The following RNF217 variants were observed in gnomAD, a reference collection of about 807,000 sequenced individuals.
RNF217 encodes the protein E3 ubiquitin-protein ligase RNF217.
A neutral mutation model predicts 57.8 loss-of-function variants in RNF217; 31 were observed. The ratio of observed to expected loss-of-function variants is 0.54; its 90% CI spans 0.40 to 0.72. The LOEUF (loss-of-function observed/expected upper bound fraction) is 0.72, where lower values mean the gene tolerates loss of function less well. Ranked by LOEUF, RNF217 falls within the 30% of genes least tolerant of loss-of-function variation. The pLI is 0.00. For synonymous variants in RNF217, 313 were observed against 294.0 expected (o/e 1.06, Z -0.66); for missense variants, 696 against 708.3 (o/e 0.98, Z 0.20).
At chr6:125,082,658 C>A (rs1312181023) in intron 5 of RNF217, 1 of 1,524,574 alleles carries the variant, frequency 6.6e-7, no homozygotes, top group Non-Finnish European at 8.8e-7. Flanking sequence ...TATTATTAAA[C>A]TGGTATCACT....
At chr6:125,077,073 C>T (rs1788405829) in intron 4 of RNF217, among the ~76,000 whole-genome samples, 1 of 152,138 alleles carries the variant, frequency 6.6e-6, no homozygotes, top group Non-Finnish European at 1.5e-5. Context: ...TTTGAAAAAG[C>T]AGCTTATTAA....
chr6:125,059,351 A>G (rs1418951890), intron 3 of RNF217, among the ~76,000 whole-genome samples: 1 of 152,172 alleles, frequency 6.6e-6, no homozygotes, highest in Admixed American at 6.5e-5. Context: ...GTTGCTCAGT[A>G]TACTTATTTT....
In RNF217 at chr6:125,045,194, G is replaced by C. The variant is rs1277849104; in HGVS notation, c.883-17G>C. 6.5e-7 allele frequency: 1 copy of C among 1,548,788 alleles called. No homozygotes were observed. Among genetic ancestry groups the C allele is most frequent in the African/African-American group, 1.4e-5 (1 of 72,404 alleles). The stretch of plus-strand genomic sequence containing the variant: ...CAGTGACGTTTTTTTCCTTCCATCT[G>C]CTCTTCCATCATGCAGGTACAACTT... On this transcript the variant is annotated splice_polypyrimidine_tract_variant and intron_variant, in intron 1 of 5. Coordinates refer to ENST00000521654, the MANE Select transcript of RNF217 (RefSeq NM_001286398.3).
chr6:124,981,888 C>T (rs560141967), intron 1 of RNF217, among the ~76,000 whole-genome samples: 40 of 151,184 alleles, frequency 2.6e-4, no homozygotes, highest in South Asian at 6.3e-4. Context: ...TTTGGCCGGG[C>T]GTGGTTATGG....
intron 3 of RNF217, among the ~76,000 whole-genome samples, chr6:125,071,990 T>C (rs1223277335): frequency 1.3e-5 from 2 of 152,200 alleles, no homozygotes; most frequent in Non-Finnish European, 2.9e-5. Context: ...AACAGCTTCA[T>C]TGAGAACAAA....
Position 124,970,830 on chromosome 6 carries a change from A to C in RNF217, c.882+7404A>C, listed in dbSNP as rs576266425. ...CTAATTCGGCAAGAAGAGTACTGAG[A>C]GTACTTACCCAGAAGCCAAAGACAG... On this transcript the variant is annotated intron_variant, in intron 1 of 5. Transcript: ENST00000521654. Among the ~76,000 whole-genome samples, 15 of 152,328 alleles carry C rather than the reference A, an allele frequency of 9.8e-5. No individual in the cohort carries two copies. In the East Asian group the frequency reaches 2.9e-3, roughly 29 times the overall value.
At chr6:125,026,775 G>T (rs1466447333) in intron 1 of RNF217, among the ~76,000 whole-genome samples, 2 of 152,088 alleles carry the variant, frequency 1.3e-5, no homozygotes, top group Admixed American at 6.6e-5. Context: ...TGACCCTGTG[G>T]AAGACAAGTG....
intron 1 of RNF217, among the ~76,000 whole-genome samples, chr6:124,994,158 G>T (rs905386767): frequency 2.0e-5 from 3 of 152,136 alleles, no homozygotes; most frequent in Non-Finnish European, 2.9e-5. Context: ...AGGGATGTGT[G>T]TGTATCTTTT....
At chr6:125,060,360 C>T (rs1482272482) in intron 3 of RNF217, among the ~76,000 whole-genome samples, 1 of 148,228 alleles carries the variant, frequency 6.7e-6, no homozygotes, top group African/African-American at 2.5e-5. Context: ...TGTGTATACA[C>T]ACACACACAC....
At chr6:125,012,579 TAGAA>T (rs750554622) in intron 1 of RNF217, among the ~76,000 whole-genome samples, 30 of 152,172 alleles carry the variant, frequency 2.0e-4, no homozygotes, top group Non-Finnish European at 1.9e-4. Flanking sequence ...GACATATTCT[TAGAA>T]AGCATTAGTT....
At chr6:124,968,072 G>A (rs532118962) in intron 1 of RNF217, among the ~76,000 whole-genome samples, 4 of 152,238 alleles carry the variant, frequency 2.6e-5, no homozygotes, top group East Asian at 1.9e-4. Flanking sequence ...ATGAGCCACC[G>A]TGCCTGGCCC....
chr6:124,991,006 G>T (rs115288836), intron 1 of RNF217, among the ~76,000 whole-genome samples: 4,488 of 152,258 alleles, frequency 0.029, 236 homozygotes, highest in African/African-American at 0.1. Flanking sequence ...TTTTGAGGTT[G>T]CAGTGAGCCA....
intron 1 of RNF217, among the ~76,000 whole-genome samples, chr6:125,040,895 A>G (rs530300677): frequency 6.6e-6 from 1 of 152,300 alleles, no homozygotes; most frequent in East Asian, 1.9e-4. Context: ...AAAATTCAAC[A>G]TTCCTTCATG....
At chr6:125,068,076 T>A (rs1480225761) in intron 3 of RNF217, among the ~76,000 whole-genome samples, 6 of 152,154 alleles carry the variant, frequency 3.9e-5, no homozygotes, top group Admixed American at 2.6e-4. Context: ...TGTGTTTTTT[T>A]AAAAAGTATT....
At chr6:125,054,946 T>C (rs1290637695) in intron 2 of RNF217, among the ~76,000 whole-genome samples, 1 of 152,142 alleles carries the variant, frequency 6.6e-6, no homozygotes, top group Non-Finnish European at 1.5e-5. Context: ...AGGCACTCCA[T>C]GTGGTGGGTA....
At chr6:125,066,899 A>G (rs1318810489) in intron 3 of RNF217, among the ~76,000 whole-genome samples, 4 of 152,148 alleles carry the variant, frequency 2.6e-5, no homozygotes, top group African/African-American at 9.7e-5. Context: ...TGTGCCCTGT[A>G]GGATGTGGTT....
chr6:125,026,275 A>G (rs1205218865), intron 1 of RNF217, among the ~76,000 whole-genome samples: 1 of 152,206 alleles, frequency 6.6e-6, no homozygotes, highest in Non-Finnish European at 1.5e-5. Context: ...GCCAGTGACT[A>G]ACATTGAATT....
intron 3 of RNF217, among the ~76,000 whole-genome samples, chr6:125,062,524 AACTTT>A (rs1440666192): frequency 2.0e-5 from 3 of 152,092 alleles, no homozygotes; most frequent in East Asian, 3.8e-4. Flanking sequence ...CATTAAGGTC[AACTTT>A]ACTTAGCCAT....
intron 1 of RNF217, among the ~76,000 whole-genome samples, chr6:124,991,338 A>G (rs1269037660): frequency 6.6e-6 from 1 of 152,154 alleles, no homozygotes; most frequent in Admixed American, 6.5e-5. Context: ...TAATATTTAC[A>G]TGGCTAGCTC....
Sources: gnomAD v4.1 joint callset for allele counts (sites outside exome capture counted in the v4.1 genomes callset) on GRCh38, gnomAD v4.1.1 for gene constraint, MANE v1.5 for transcripts, NCBI Gene and HGNC (gene_info 2026-07-23, HGNC 2026-07-21) for gene names.